The following TAFA1 variants were observed in gnomAD, a reference collection of about 807,000 sequenced individuals.
The protein encoded by TAFA1 is chemokine-like protein TAFA-1.
In TAFA1, 4 loss-of-function variants were observed where a neutral mutation model predicts 18.5. The observed-to-expected ratio is 0.22, with a 90% CI of 0.11 to 0.49. The LOEUF is 0.49. TAFA1 is among the 20% of genes least tolerant of loss of function. The pLI, the probability that TAFA1 is intolerant of heterozygous loss-of-function variation, is 0.98. For missense variants in TAFA1, 147 were observed against 169.0 expected (o/e 0.87, Z 0.72); for synonymous variants, 56 against 55.2 (o/e 1.01, Z -0.06).
chr3:68,532,236 A>C (rs1438601694), intron 3 of TAFA1, among the ~76,000 whole-genome samples: 1 of 152,170 alleles, frequency 6.6e-6, no homozygotes, highest in East Asian at 1.9e-4. Flanking sequence ...GGGTCTTCCC[A>C]GGAGGAGGAG....
chr3:68,531,215 G>A (rs1031944321), intron 3 of TAFA1, among the ~76,000 whole-genome samples: 1 of 152,100 alleles, frequency 6.6e-6, no homozygotes, highest in African/African-American at 2.4e-5. Context: ...TAACAGCAGC[G>A]TATCCATGTG....
chr3:68,359,027 C>A (rs1044254254), intron 2 of TAFA1, among the ~76,000 whole-genome samples: 1 of 151,992 alleles, frequency 6.6e-6, no homozygotes, highest in African/African-American at 2.4e-5. Flanking sequence ...AACAAAATGT[C>A]TTTTCCTTGC....
chr3:68,271,360 C>G (rs555566774), intron 2 of TAFA1, among the ~76,000 whole-genome samples: 2 of 152,204 alleles, frequency 1.3e-5, no homozygotes, highest in South Asian at 4.1e-4. Context: ...CACTCCATAA[C>G]CAATCATATT....
intron 2 of TAFA1, among the ~76,000 whole-genome samples, chr3:68,181,005 A>C (rs1433670027): frequency 2.0e-5 from 3 of 152,232 alleles, no homozygotes; most frequent in South Asian, 4.1e-4. Context: ...AACAAGCTGC[A>C]ATGCTGCATA....
At chr3:68,542,905 A>G (rs1057001046) in intron 4 of TAFA1, among the ~76,000 whole-genome samples, 6 of 152,156 alleles carry the variant, frequency 3.9e-5, no homozygotes, top group African/African-American at 4.8e-5. Flanking sequence ...AATCAGATAT[A>G]CATTTGTCTC....
chr3:68,054,681 C>T (rs1298752488), intron 2 of TAFA1, among the ~76,000 whole-genome samples: 1 of 152,206 alleles, frequency 6.6e-6, no homozygotes, highest in African/African-American at 2.4e-5. Flanking sequence ...ATAGTCATAG[C>T]ACATACTGTA....
intron 2 of TAFA1, among the ~76,000 whole-genome samples, chr3:68,262,966 C>G (rs1491730): frequency 0.11 from 17,245 of 152,170 alleles, 1,289 homozygotes; most frequent in East Asian, 0.31. Flanking sequence ...AACATTGACA[C>G]TGCTTATTTG....
chr3:68,389,399 A>G (rs1385966637), intron 2 of TAFA1, among the ~76,000 whole-genome samples: 2 of 152,216 alleles, frequency 1.3e-5, no homozygotes, highest in Non-Finnish European at 2.9e-5. Flanking sequence ...TCTATTATGA[A>G]TAAGGCATTT....
At chr3:68,319,885 T>A (rs1248939641) in intron 2 of TAFA1, among the ~76,000 whole-genome samples, 1 of 152,226 alleles carries the variant, frequency 6.6e-6, no homozygotes, top group African/African-American at 2.4e-5. Flanking sequence ...TTCTTCATTA[T>A]CATAGAAATA....
At chr3:68,253,622 G>A (rs546502145) in intron 2 of TAFA1, among the ~76,000 whole-genome samples, 21 of 152,288 alleles carry the variant, frequency 1.4e-4, no homozygotes, top group African/African-American at 4.8e-4. Flanking sequence ...GGTGATGCAT[G>A]GCAGGTGATG....
chr3:68,396,084 C>A (rs1414978718), intron 2 of TAFA1, among the ~76,000 whole-genome samples: 1 of 151,920 alleles, frequency 6.6e-6, no homozygotes, highest in Non-Finnish European at 1.5e-5. Context: ...TGTAGATTTA[C>A]TTTATATTTC....
chr3:68,294,100 T>G (rs1319149806), intron 2 of TAFA1, among the ~76,000 whole-genome samples: 1 of 152,172 alleles, frequency 6.6e-6, no homozygotes, highest in Non-Finnish European at 1.5e-5. Context: ...TAGGGAATAT[T>G]TTATAATATT....
intron 2 of TAFA1, among the ~76,000 whole-genome samples, chr3:68,342,505 G>T (rs2069101583): frequency 6.6e-6 from 1 of 152,136 alleles, no homozygotes; most frequent in African/African-American, 2.4e-5. Flanking sequence ...TACAAATCCT[G>T]CAGAAAATAA....
At chr3:68,110,598 G>A (rs1276100396) in intron 2 of TAFA1, among the ~76,000 whole-genome samples, 2 of 152,094 alleles carry the variant, frequency 1.3e-5, no homozygotes, top group Non-Finnish European at 2.9e-5. Context: ...ATTAAGAAAG[G>A]CAAGGGTGGA....
intron 2 of TAFA1, among the ~76,000 whole-genome samples, chr3:68,125,975 G>A (rs1255554666): frequency 6.6e-6 from 1 of 152,074 alleles, no homozygotes; most frequent in African/African-American, 2.4e-5. Flanking sequence ...GTGGCTCTGT[G>A]GATTCTCAGG....
At chr3:68,306,506 G>T (rs1467720646) in intron 2 of TAFA1, among the ~76,000 whole-genome samples, 2 of 116,972 alleles carry the variant, frequency 1.7e-5, no homozygotes, top group Non-Finnish European at 3.7e-5. Flanking sequence ...AGTTGTGCTT[G>T]TGTGTGTGTG....
At chr3:68,398,825 T>A (rs942197262) in intron 2 of TAFA1, among the ~76,000 whole-genome samples, 17 of 152,228 alleles carry the variant, frequency 1.1e-4, no homozygotes, top group African/African-American at 4.1e-4. Flanking sequence ...CAAAGAAGAA[T>A]GTTCATTTTC....
chr3:68,103,399 T>G (rs2065170809), intron 2 of TAFA1, among the ~76,000 whole-genome samples: 1 of 152,234 alleles, frequency 6.6e-6, no homozygotes, highest in African/African-American at 2.4e-5. Flanking sequence ...GTCACAGTAA[T>G]TCCAGCCTTA....
intron 2 of TAFA1, among the ~76,000 whole-genome samples, chr3:68,413,163 C>CGTGT (rs2070747245): frequency 6.6e-6 from 1 of 151,890 alleles, no homozygotes. Context: ...CTGTTGGCTA[C>CGTGT]ATAATTGTCT....
Sources: gnomAD v4.1 joint callset for allele counts (sites outside exome capture counted in the v4.1 genomes callset) on GRCh38, gnomAD v4.1.1 for gene constraint, MANE v1.5 for transcripts, NCBI Gene and HGNC (gene_info 2026-07-23, HGNC 2026-07-21) for gene names.